The following USP7 variants were observed in gnomAD, a reference collection of about 807,000 sequenced individuals.
The protein encoded by USP7 is ubiquitin C-terminal hydrolase 7.
A neutral mutation model predicts 162.9 loss-of-function variants in USP7; 9 were observed. That is an observed-to-expected ratio of 0.06 (90% confidence interval 0.03 to 0.10). USP7 has a LOEUF of 0.10. Ranked by LOEUF, USP7 falls within the 10% of genes least tolerant of loss-of-function variation. The pLI is 1.00. For synonymous variants in USP7, 562 were observed against 475.9 expected, an observed-to-expected ratio of 1.18 and a Z score of -2.35; for missense variants, 715 against 1,373.7, an observed-to-expected ratio of 0.52 and a Z score of 7.58.
intron 1 of USP7, among the ~76,000 whole-genome samples, chr16:8,951,908 T>C (rs1032835705): frequency 8.5e-5 from 13 of 152,232 alleles, no homozygotes; most frequent in Non-Finnish European, 5.9e-5. Context: ...ACCTGCAGTG[T>C]ATCAGTGGCC....
chr16:8,898,965 G>A (rs1158091503), intron 23 of USP7, among the ~76,000 whole-genome samples, 156 bp downstream of exon 23: 1 of 152,134 alleles, frequency 6.6e-6, no homozygotes, highest in East Asian at 1.9e-4. Flanking sequence ...AGAGTAATGT[G>A]GTCAAGATGT....
intron 1 of USP7, among the ~76,000 whole-genome samples, chr16:8,938,310 TCA>T (rs1350224675): frequency 2.0e-5 from 3 of 149,722 alleles, no homozygotes; most frequent in East Asian, 1.9e-4. Context: ...AACTGTAGAT[TCA>T]CACACAGTCT....
In USP7 at chr16:8,958,101, C is replaced by T. The variant is rs572327499; in HGVS notation, c.79+5106G>A. 5.9e-5 allele frequency among the ~76,000 whole-genome samples: 9 copies of T among 152,244 alleles called. No homozygotes were observed. In the South Asian group the frequency reaches 1.9e-3, roughly 32 times the overall value. ...GAGCATCTCCCACAAATAAATTTAACAAAAAAGGAAACTGAGATGGTCACC... is the reference window on the plus strand; with the variant it reads ...GAGCATCTCCCACAAATAAATTTAATAAAAAAGGAAACTGAGATGGTCACC... On this transcript the variant is annotated intron_variant, in intron 1 of 30. Transcript: ENST00000344836.
rs2061933488 is a variant in USP7, at chr16:8,910,756, G to A, written c.1150C>T (p.His384Tyr). ...DGDNKYDAGE[H>Y]GLQEAEKGVK... ...AACACTCAATTTACCTGTAAGCCATGTTCCCCAGCGTCGTATTTATTGTCC... is the reference window on the plus strand; with the variant it reads ...AACACTCAATTTACCTGTAAGCCATATTCCCCAGCGTCGTATTTATTGTCC... The change falls in exon 11 of 31, where the codon CAT becomes TAT. Residue 384 changes from histidine (H) to tyrosine (Y), a missense_variant. This residue lies in a region of USP7 where 31 missense variants were observed against 135.9 expected (regional missense o/e 0.23). Coordinates refer to ENST00000344836, the MANE Select transcript of USP7 (RefSeq NM_003470.3). The A allele has an allele frequency of 6.2e-7, 1 of 1,613,998 alleles. No individual in the cohort carries two copies. Among genetic ancestry groups the A allele is most frequent in the Admixed American group, 1.7e-5 (1 of 60,010 alleles).
At chr16:8,912,940 A>C (rs1347461356) in intron 10 of USP7, among the ~76,000 whole-genome samples, 1 of 152,238 alleles carries the variant, frequency 6.6e-6, no homozygotes, top group Non-Finnish European at 1.5e-5. Context: ...AGATCAAGAC[A>C]GAGCAACAGA....
chr16:8,896,643 G>C (rs1199931625), intron 26 of USP7, among the ~76,000 whole-genome samples: 1 of 152,140 alleles, frequency 6.6e-6, no homozygotes, highest in Non-Finnish European at 1.5e-5. Flanking sequence ...CGTTCAAATG[G>C]AATCGTATCC....
rs1436878605 is a variant in USP7, at chr16:8,893,678, C to T, written c.*320G>A. On this transcript the variant is annotated 3_prime_UTR_variant, in exon 31 of 31. Coordinates refer to ENST00000344836, the MANE Select transcript of USP7 (RefSeq NM_003470.3). ...CCGAGCCACTCGTGCCCACTAGGGA[C>T]AGCCCAGAGACCTTGAGCCAGGGAC... 3 of 295,332 alleles carry T rather than the reference C, an allele frequency of 1.0e-5. No homozygotes were observed. Among genetic ancestry groups the T allele is most frequent in the African/African-American group, 2.1e-5 (1 of 46,676 alleles). The allele number at this position is 295,332 out of a possible 1,614,324, so 18.3% of individuals were successfully genotyped here.
In USP7 at chr16:8,908,005, G is replaced by A. The variant is rs908249462; in HGVS notation, c.1271+336C>T. 5.9e-5 allele frequency among the ~76,000 whole-genome samples: 9 copies of A among 152,070 alleles called. No homozygotes were observed. In the East Asian group the frequency reaches 1.2e-3, roughly 19 times the overall value. On this transcript the variant is annotated intron_variant, in intron 12 of 30. Transcript: ENST00000344836. ...CCCCTCTGAAATAACATTTATAATCGGTCAAAATTAAATTTATTAGAAATC... is the reference window on the plus strand; with the variant it reads ...CCCCTCTGAAATAACATTTATAATCAGTCAAAATTAAATTTATTAGAAATC...
Position 8,929,750 on chromosome 16 carries a change from C to CA in USP7, c.184+542dup, listed in dbSNP as rs529943689. ...GGAAGAAAAAAACTGATTTCCTACA[C>CA]AAAAAATGTCCATGCACATACATAT... On this transcript the variant is annotated intron_variant, in intron 2 of 30. Transcript: ENST00000344836. Among the ~76,000 whole-genome samples, 111 of 152,246 alleles carry CA rather than the reference C, an allele frequency of 7.3e-4. 1 individual carries two copies. The South Asian group carries it at 8.3e-3, about 11-fold the overall frequency.
chr16:8,919,130 T>G lies in USP7; in HGVS notation c.621A>C (p.Ser207=). Reference sequence around the variant, plus strand: ...AGCCGACGTAGCCTGTGTGCTTCTTTGAATCCCACCTGAAAGATCAGTTCA... The same window carrying G: ...AGCCGACGTAGCCTGTGTGCTTCTTGGAATCCCACCTGAAAGATCAGTTCA... ...ADAPHGVAWD[S]KKHTGYVGLK... Residue 207 remains serine, a synonymous_variant, in exon 6 of 31, where the codon TCA becomes TCC. Transcript: ENST00000344836. The G allele has an allele frequency of 6.2e-7, 1 of 1,614,098 alleles. No individual in the cohort carries two copies. The highest frequency in any genetic ancestry group is 8.5e-7 in the Non-Finnish European group (1 of 1,179,992).
intron 1 of USP7, among the ~76,000 whole-genome samples, chr16:8,943,006 T>C (rs560045412): frequency 6.6e-6 from 1 of 152,312 alleles, no homozygotes; most frequent in Admixed American, 6.5e-5. Context: ...GCCGACCACC[T>C]GGCTTTAAGG....
chr16:8,947,793 T>C (rs1206108759), intron 1 of USP7, among the ~76,000 whole-genome samples: 1 of 152,222 alleles, frequency 6.6e-6, no homozygotes, highest in Non-Finnish European at 1.5e-5. Context: ...GATGTGGGAC[T>C]GCCTGATGGG....
chr16:8,915,502 C>G lies in USP7; in HGVS notation c.930G>C (p.Lys310Asn). The G allele has an allele frequency of 6.2e-7, 1 of 1,613,274 alleles. No individual in the cohort carries two copies. Residue 310 changes from lysine (K) to asparagine (N), a missense_variant, in exon 9 of 31, where the codon AAG becomes AAC. By Grantham distance (94) the Lys-to-Asn change is moderately conservative (BLOSUM62 0). This residue lies in a region of USP7 where 24 missense variants were observed against 153.3 expected (regional missense o/e 0.16). Transcript: ENST00000344836. ...TGCCCTCTACACAGGTGCCTTTCAT[C>G]TTATTTTCCACATTATCGAGCAACT... ...CRVLLDNVEN[K>N]MKGTCVEGTI... is the part of the protein sequence containing the mutation.
intron 10 of USP7, among the ~76,000 whole-genome samples, chr16:8,914,837 T>C (rs1392937827): frequency 6.6e-6 from 1 of 152,154 alleles, no homozygotes; most frequent in Non-Finnish European, 1.5e-5. Context: ...GAGGATCGCC[T>C]GAGTCCTGGA....
At chr16:8,956,067 C>G (rs1567249696) in intron 1 of USP7, among the ~76,000 whole-genome samples, 1 of 152,182 alleles carries the variant, frequency 6.6e-6, no homozygotes, top group Non-Finnish European at 1.5e-5. Context: ...AAACCAGATG[C>G]CAGTTTAACA....
Position 8,899,229 on chromosome 16 carries a change from T to C in USP7, c.2464-41A>G, listed in dbSNP as rs149447581. Reference sequence around the variant, plus strand: ...GAAGGTTCACATTTTGGGGAAAAATTGAAACTTGGTCATAAACTTCATGCT... The same window carrying C: ...GAAGGTTCACATTTTGGGGAAAAATCGAAACTTGGTCATAAACTTCATGCT... On this transcript the variant is annotated intron_variant, in intron 22 of 30. Transcript: ENST00000344836. 725 of 1,602,264 alleles carry C rather than the reference T, an allele frequency of 4.5e-4. 10 individuals are homozygous for C. In the East Asian group the frequency reaches 0.015, roughly 33 times the overall value.
chr16:8,893,971 C>G lies in USP7; in HGVS notation c.*27G>C. 1 of 1,609,536 alleles carries G rather than the reference C, an allele frequency of 6.2e-7. No homozygotes were observed. The highest frequency in any genetic ancestry group is 8.5e-7 in the Non-Finnish European group (1 of 1,175,794). On this transcript the variant is annotated 3_prime_UTR_variant, in exon 31 of 31. Transcript: ENST00000344836. ...GTTAAGGGGCCACCCACACACCGTC[C>G]TCGCCTTGAACACACCAGCTTGGAA...
chr16:8,916,635 C>T (rs567337391), intron 7 of USP7, 79 bp from the exon 8 acceptor site: 6 of 1,361,026 alleles, frequency 4.4e-6, no homozygotes, highest in Non-Finnish European at 6.1e-6. Flanking sequence ...AGATTGAAAA[C>T]CTAAACTGGA....
intron 1 of USP7, 29 bp from the exon 2 acceptor site, chr16:8,930,426 G>GTTTTACATTCATGGC: frequency 6.5e-7 from 1 of 1,548,398 alleles, no homozygotes; most frequent in Non-Finnish European, 8.8e-7. Context: ...AATTCCACGG[G>GTTTTACATTCATGGC]TTTTACATTC....
Sources: allele counts gnomAD v4.1 joint callset (sites outside exome capture counted in the v4.1 genomes callset), GRCh38; gene constraint gnomAD v4.1.1; regional missense constraint gnomAD v4.1.1; transcripts MANE v1.5; gene names NCBI Gene and HGNC (gene_info 2026-07-23, HGNC 2026-07-21).